MAP4K5: variants seen among roughly 807,000 people sequenced by gnomAD.
The protein encoded by MAP4K5 is mitogen-activated protein kinase kinase kinase kinase 5, also known as MAPK/ERK kinase kinase kinase 5.
Under a neutral mutation model 135.6 loss-of-function variants are expected in MAP4K5, and 82 were observed. That is an observed-to-expected ratio of 0.60 (90% confidence interval 0.51 to 0.73). The LOEUF is 0.73. MAP4K5 is among the 30% of genes least tolerant of loss of function. The pLI is 0.00. For missense variants in MAP4K5, 907 were observed against 1,010.9 expected, an observed-to-expected ratio of 0.90 and a Z score of 1.39; for synonymous variants, 347 against 335.0, an observed-to-expected ratio of 1.04 and a Z score of -0.39.
intron 3 of MAP4K5, among the ~76,000 whole-genome samples, chr14:50,490,164 G>A (rs1595505817): frequency 1.9e-5 from 2 of 103,532 alleles, no homozygotes; most frequent in South Asian, 5.7e-4. Context: ...TGTGTGTAAG[G>A]GAACTCAGCC....
At chr14:50,473,958 T>G (rs997446325) in intron 9 of MAP4K5, among the ~76,000 whole-genome samples, 2 of 152,120 alleles carry the variant, frequency 1.3e-5, no homozygotes, top group African/African-American at 4.8e-5. Context: ...TCTCCTGACC[T>G]CTTGATCCGC....
intron 8 of MAP4K5, 143 bp downstream of exon 8, chr14:50,475,985 G>A (rs1419812566): frequency 1.3e-5 from 6 of 461,936 alleles, no homozygotes; most frequent in Non-Finnish European, 1.9e-5. Context: ...TAAAATTACT[G>A]GATCAAAAGT....
intron 2 of MAP4K5, among the ~76,000 whole-genome samples, chr14:50,522,924 A>C (rs536609687): frequency 5.3e-5 from 8 of 152,242 alleles, no homozygotes; most frequent in African/African-American, 1.7e-4. Flanking sequence ...GAGAGAAGAC[A>C]TAAGAAACAG....
chr14:50,431,193 C>T (rs2035960098), intron 28 of MAP4K5, among the ~76,000 whole-genome samples: 1 of 152,166 alleles, frequency 6.6e-6, no homozygotes, highest in South Asian at 2.1e-4. Context: ...AGATTCAACA[C>T]AAACATACTG....
chr14:50,426,519 G>A (rs753896068), intron 30 of MAP4K5, among the ~76,000 whole-genome samples: 6 of 152,164 alleles, frequency 3.9e-5, no homozygotes, highest in Non-Finnish European at 5.9e-5. Context: ...GAGGTCAGGA[G>A]ATGGAGACCA....
chr14:50,468,755 C>T lies in MAP4K5; in HGVS notation c.570G>A (p.Glu190=). The stretch of plus-strand genomic sequence containing the variant: ...AGAGTTGGTTGTAGCCACCATTCTT[C>T]TCTACTGCTGCAACTTCTGGGGCCA... ...YWMAPEVAAV[E]KNGGYNQLCD... is the part of the protein sequence containing the mutation. The change falls in exon 10 of 33, where the codon GAG becomes GAA. Residue 190 remains glutamate (E), a synonymous_variant. Transcript: ENST00000682126. 2 of 1,611,590 alleles carry T rather than the reference C, an allele frequency of 1.2e-6. No individual in the cohort carries two copies. The highest frequency in any genetic ancestry group is 1.7e-6 in the Non-Finnish European group (2 of 1,178,688).
intron 3 of MAP4K5, among the ~76,000 whole-genome samples, chr14:50,487,252 G>C (rs1239793708): frequency 6.6e-6 from 1 of 152,154 alleles, no homozygotes; most frequent in Non-Finnish European, 1.5e-5. Context: ...AGGTCGCAGT[G>C]AGCTGAGAGC....
At chr14:50,438,923 G>A (rs1195929670) in intron 23 of MAP4K5, among the ~76,000 whole-genome samples, 1 of 152,034 alleles carries the variant, frequency 6.6e-6, no homozygotes, top group African/African-American at 2.4e-5. Flanking sequence ...AGACAAGTAT[G>A]AGTAGGGATA....
chr14:50,546,498 G>A (rs1382934530), intron 1 of MAP4K5, among the ~76,000 whole-genome samples: 2 of 152,050 alleles, frequency 1.3e-5, no homozygotes, highest in African/African-American at 2.4e-5. Context: ...CACACATTAA[G>A]GTAAAGTCAA....
At chr14:50,488,303 A>C (rs1014731158) in intron 3 of MAP4K5, among the ~76,000 whole-genome samples, 2 of 152,140 alleles carry the variant, frequency 1.3e-5, no homozygotes, top group African/African-American at 4.8e-5. Context: ...CCATGATCCA[A>C]TCACCTCCCA....
chr14:50,437,948 G>C lies in MAP4K5; in HGVS notation c.1769C>G (p.Pro590Arg). ...AGTTTGAATATGGGCAGCTAATCCT[G>C]GTTTTTTGGCATGTTCAAACAAAGC... is the stretch of plus-strand genomic sequence containing the variant. ...LIALFEHAKK[P>R]GLAAHIQTHR... Residue 590 changes from proline to arginine, a missense_variant, in exon 25 of 33, where the codon CCA becomes CGA. Transcript: ENST00000682126. 1 of 1,612,542 alleles carries C rather than the reference G, an allele frequency of 6.2e-7. No homozygotes were observed. The highest frequency in any genetic ancestry group is 8.5e-7 in the Non-Finnish European group (1 of 1,178,938).
rs2036315219 is a variant in MAP4K5, at chr14:50,445,130, TG to T, written c.1249del (p.His417IlefsTer39). The T allele has an allele frequency of 6.2e-7, 1 of 1,613,548 alleles. No homozygotes were observed. The highest frequency in any genetic ancestry group is 8.5e-7 in the Non-Finnish European group (1 of 1,179,700). ...PDEEKASTIK[H>X]CPDSESRAPQ... is the part of the protein sequence containing the mutation. ...AGCTCTGCTTTCTGAATCAGGACAA[TG>T]TTTTATGGTTGATGCTTTTTCTTCA... On this transcript the variant is annotated frameshift_variant, in exon 18 of 33. Coordinates refer to ENST00000682126, the MANE Select transcript of MAP4K5 (RefSeq NM_006575.6). LOFTEE classifies it high-confidence loss of function.
At chr14:50,532,243 T>G in intron 1 of MAP4K5, 85 bp from the exon 2 acceptor site, 8 of 540,192 alleles carry the variant, frequency 1.5e-5, no homozygotes, top group East Asian at 3.4e-5. Flanking sequence ...GCCCCTTCCC[T>G]TCCGTCCCGC....
chr14:50,462,844 C>G, intron 12 of MAP4K5, 63 bp from the exon 13 acceptor site: 1 of 926,588 alleles, frequency 1.1e-6, no homozygotes, highest in Admixed American at 1.9e-5. Flanking sequence ...AAAGAAAATG[C>G]TATCTTCATT....
At chr14:50,498,776 A>G (rs115484493) in intron 3 of MAP4K5, among the ~76,000 whole-genome samples, 2,455 of 152,322 alleles carry the variant, frequency 0.016, 54 homozygotes, top group African/African-American at 0.053. Flanking sequence ...ATTACCAGAC[A>G]TAAGTTTTTT....
intron 2 of MAP4K5, among the ~76,000 whole-genome samples, chr14:50,510,055 A>G (rs2037899274): frequency 6.6e-6 from 1 of 152,202 alleles, no homozygotes; most frequent in Admixed American, 6.5e-5. Context: ...CACATTTTCA[A>G]CAACAAAATA....
intron 3 of MAP4K5, among the ~76,000 whole-genome samples, chr14:50,487,143 TA>T (rs1317669374): frequency 1.3e-5 from 2 of 152,176 alleles, no homozygotes; most frequent in Non-Finnish European, 2.9e-5. Context: ...AACATCTATT[TA>T]GTTTCATACA....
intron 21 of MAP4K5, among the ~76,000 whole-genome samples, chr14:50,442,513 C>A (rs963925781): frequency 1.3e-5 from 2 of 152,054 alleles, no homozygotes; most frequent in Admixed American, 1.3e-4. Context: ...GTTGTGATTT[C>A]TCTTTAGTCC....
At position 50,556,187 on chromosome 14, in the gene MAP4K5, T is replaced by C. The variant is rs536498888; in HGVS notation, c.-180+4853A>G. Among the ~76,000 whole-genome samples, 5 of 152,326 alleles carry C rather than the reference T, an allele frequency of 3.3e-5. No homozygotes were observed. The South Asian group carries it at 1.0e-3, about 32-fold the overall frequency. The stretch of plus-strand genomic sequence containing the variant: ...TTTTAAAAACATAATTCACATACCA[T>C]AAAATTCACCAACTTAGATTGTACA... On this transcript the variant is annotated intron_variant, in intron 1 of 8. Coordinates refer to the MAP4K5 transcript ENST00000555216.
Sources: gnomAD v4.1 joint callset for allele counts (sites outside exome capture counted in the v4.1 genomes callset) on GRCh38, gnomAD v4.1.1 for gene constraint, MANE v1.5 for transcripts, NCBI Gene and HGNC (gene_info 2026-07-23, HGNC 2026-07-21) for gene names.